The following BFSP2 variants were observed in gnomAD, a reference collection of about 807,000 sequenced individuals.
The protein encoded by BFSP2 is phakinin.
In BFSP2, 38 loss-of-function variants were observed where a neutral mutation model predicts 44.9. The observed-to-expected ratio is 0.85, with a 90% confidence interval of 0.65 to 1.11. The LOEUF is 1.11. Among genes scored for constraint, BFSP2 ranks in the 50% least tolerant of loss-of-function variants. BFSP2 has a pLI of 0.00. For missense variants in BFSP2, 525 were observed against 533.0 expected (o/e 0.99, Z 0.15); for synonymous variants, 197 against 209.9 (o/e 0.94, Z 0.53).
chr3:133,418,450 G>A (rs1039699550), intron 1 of BFSP2, among the ~76,000 whole-genome samples: 9 of 152,144 alleles, frequency 5.9e-5, no homozygotes, highest in African/African-American at 2.2e-4. Context: ...GGGAGGTCAC[G>A]GGAGTTCACT....
Position 133,400,373 on chromosome 3 carries a change from C to T in BFSP2, c.290C>T (p.Pro97Leu), listed in dbSNP as rs565129712. ...GLRSSGLATVPAPGLERDHGA... is the reference protein window; with the variant it reads ...GLRSSGLATVLAPGLERDHGA... ...CGGAGCTCAGGCCTGGCCACCGTGC[C>T]GGCTCCAGGTTTGGAGAGGGACCAT... The change falls in exon 1 of 7, where the codon CCG becomes CTG. Residue 97 changes from proline to leucine, a missense_variant. Coordinates refer to ENST00000302334, the MANE Select transcript of BFSP2 (RefSeq NM_003571.4). The surrounding 1 kb of genome is among the most constrained non-coding windows in gnomAD (Gnocchi z 4.0). 24 of 1,613,940 alleles carry T rather than the reference C, an allele frequency of 1.5e-5. No homozygotes were observed. In the South Asian group the frequency reaches 1.5e-4, roughly 10 times the overall value.
intron 2 of BFSP2, 54 bp from the exon 3 acceptor site, chr3:133,448,435 A>T: frequency 1.2e-6 from 2 of 1,603,014 alleles, no homozygotes; most frequent in Non-Finnish European, 1.7e-6. Context: ...TTATAATCTG[A>T]TTCTTTTTCT....
In BFSP2 at chr3:133,400,492, C is replaced by G. The variant is rs749419128; in HGVS notation, c.409C>G (p.Arg137Gly). 1 of 1,613,966 alleles carries G rather than the reference C, an allele frequency of 6.2e-7. No homozygotes were observed. Among genetic ancestry groups the G allele is most frequent in the South Asian group, 1.1e-5 (1 of 91,086 alleles). Reference protein sequence around the residue: ...QVSQELETQLRMHLESKATRS... With the variant: ...QVSQELETQLGMHLESKATRS... ...CAGTCAGGAGCTGGAAACACAACTG[C>G]GGATGCACCTGGAGAGCAAAGCCAC... Residue 137 changes from arginine (R) to glycine (G), a missense_variant, in exon 1 of 7, where the codon CGG (arginine) becomes GGG (glycine). Arg to Gly is a moderately radical substitution (Grantham distance 125, BLOSUM62 -2). Transcript: ENST00000302334. This position sits in a 1 kb window ranked among gnomAD's most constrained non-coding sequence, Gnocchi z 4.0.
At chr3:133,402,466 A>G (rs1413620619) in intron 1 of BFSP2, among the ~76,000 whole-genome samples, 1 of 152,166 alleles carries the variant, frequency 6.6e-6, no homozygotes, top group Non-Finnish European at 1.5e-5. Flanking sequence ...CCACAGCCAC[A>G]CACCAAGACA....
intron 1 of BFSP2, among the ~76,000 whole-genome samples, chr3:133,421,979 C>T (rs1576567153): frequency 1.3e-5 from 2 of 151,964 alleles, no homozygotes; most frequent in Admixed American, 1.3e-4. Context: ...TGGTGGTGCG[C>T]ACCTATAGTC....
intron 4 of BFSP2, among the ~76,000 whole-genome samples, chr3:133,463,301 C>CT (rs1377892485): frequency 6.6e-6 from 1 of 151,866 alleles, no homozygotes; most frequent in Non-Finnish European, 1.5e-5. Context: ...AAGAGCAAGA[C>CT]TTCATCTCAA....
intron 1 of BFSP2, among the ~76,000 whole-genome samples, chr3:133,443,745 T>A (rs899265699): frequency 5.3e-5 from 8 of 152,196 alleles, no homozygotes; most frequent in Non-Finnish European, 1.0e-4. Context: ...TCTTGCATCT[T>A]GCCACTGCAC....
At chr3:133,443,702 G>A (rs1424717626) in intron 1 of BFSP2, among the ~76,000 whole-genome samples, 3 of 152,150 alleles carry the variant, frequency 2.0e-5, no homozygotes, top group Admixed American at 6.5e-5. Flanking sequence ...AAACTTGAAA[G>A]TCAAATAAAT....
At chr3:133,421,997 C>T (rs1429290195) in intron 1 of BFSP2, among the ~76,000 whole-genome samples, 1 of 150,290 alleles carries the variant, frequency 6.7e-6, no homozygotes, top group Non-Finnish European at 1.5e-5. Flanking sequence ...GTCCCAGCTA[C>T]TCGGGAGGCT....
intron 1 of BFSP2, among the ~76,000 whole-genome samples, chr3:133,426,271 C>A (rs1380626489): frequency 6.6e-6 from 1 of 151,992 alleles, no homozygotes; most frequent in African/African-American, 2.4e-5. Flanking sequence ...CCCTCGCAGG[C>A]TGCCCTCCCA....
intron 4 of BFSP2, among the ~76,000 whole-genome samples, chr3:133,461,611 A>G (rs1404374846): frequency 1.3e-5 from 2 of 152,266 alleles, no homozygotes; most frequent in Non-Finnish European, 2.9e-5. Flanking sequence ...AAATAGAGTT[A>G]TAATAACCAG....
At chr3:133,422,763 A>ATCTG in intron 1 of BFSP2, among the ~76,000 whole-genome samples, 1 of 15,536 alleles carries the variant, frequency 6.4e-5, no homozygotes. Context: ...CCAGCCCAGC[A>ATCTG]CCTGCCAGAA....
At chr3:133,421,515 G>C (rs536256694) in intron 1 of BFSP2, among the ~76,000 whole-genome samples, 2 of 152,236 alleles carry the variant, frequency 1.3e-5, no homozygotes, top group African/African-American at 4.8e-5. Context: ...CTTTTCATAA[G>C]GATGCCAGTT....
At chr3:133,424,221 T>TG (rs879768397) in intron 1 of BFSP2, among the ~76,000 whole-genome samples, 37,359 of 105,374 alleles carry the variant, frequency 0.35, 5,993 homozygotes, top group Middle Eastern at 0.52. Flanking sequence ...AATTTTTTTT[T>TG]TTTTTTTTTT....
At chr3:133,473,887 GA>G (rs1389497366) in intron 6 of BFSP2, among the ~76,000 whole-genome samples, 1 of 152,174 alleles carries the variant, frequency 6.6e-6, no homozygotes, top group African/African-American at 2.4e-5. Flanking sequence ...ATCAGTGAAG[GA>G]AAGACATTTT....
At position 133,466,972 on chromosome 3, in the gene BFSP2, A is replaced by C; in HGVS notation, c.1023+13A>C. On this transcript the variant is annotated intron_variant, in intron 5 of 6. Coordinates refer to ENST00000302334, the MANE Select transcript of BFSP2 (RefSeq NM_003571.4). ...CTTACGTGCCCTGGTAAGTGGGCCA[A>C]GGAAAGACCTGGTGTCCTTGTGCTA... 1.2e-6 allele frequency: 2 copies of C among 1,613,772 alleles called. No homozygotes were observed. Among genetic ancestry groups the C allele is most frequent in the Non-Finnish European group, 1.7e-6 (2 of 1,179,882 alleles).
intron 4 of BFSP2, chr3:133,455,343 C>T (rs889755586): frequency 1.5e-4 from 23 of 152,340 alleles, no homozygotes; most frequent in African/African-American, 5.3e-4. Flanking sequence ...GCCGCATTCT[C>T]ATCTTCAGAG....
At chr3:133,460,787 T>A (rs1379333845) in intron 4 of BFSP2, among the ~76,000 whole-genome samples, 1 of 152,208 alleles carries the variant, frequency 6.6e-6, no homozygotes, top group Admixed American at 6.5e-5. Context: ...ATTAGCATGA[T>A]CTCATGAAAT....
At chr3:133,455,589 A>G (rs935067202) in intron 4 of BFSP2, 3 of 152,152 alleles carry the variant, frequency 2.0e-5, no homozygotes, top group Non-Finnish European at 2.9e-5. Flanking sequence ...ACATGTCAAA[A>G]TCTCTTCATC....
Sources: allele counts gnomAD v4.1 joint callset (sites outside exome capture counted in the v4.1 genomes callset), GRCh38; gene constraint gnomAD v4.1.1; non-coding constraint Gnocchi (gnomAD v3.1); transcripts MANE v1.5; gene names NCBI Gene and HGNC (gene_info 2026-07-23, HGNC 2026-07-21).